PCDHGA6: variants seen among roughly 807,000 people sequenced by gnomAD.
The protein encoded by PCDHGA6 is protocadherin gamma-A6.
PCDHGA6 carries 41 observed loss-of-function variants against 60.6 expected under a neutral mutation model. That is an observed-to-expected ratio of 0.68 (90% CI 0.53 to 0.88). The LOEUF (loss-of-function observed/expected upper bound fraction) is 0.88. Among genes scored for constraint, PCDHGA6 ranks in the 40% least tolerant of loss-of-function variants. PCDHGA6 has a pLI of 0.00. For missense variants in PCDHGA6, 1,312 were observed against 1,203.0 expected, an observed-to-expected ratio of 1.09 and a Z score of -1.34; for synonymous variants, 594 against 524.4, an observed-to-expected ratio of 1.13 and a Z score of -1.81.
In PCDHGA6 at chr5:141,452,847, T is replaced by G. The variant is rs575815407; in HGVS notation, c.2425-41960T>G. Among the ~76,000 whole-genome samples, 42 of 152,304 alleles carry G rather than the reference T, an allele frequency of 2.8e-4. 1 individual carries two copies. Among genetic ancestry groups the G allele is most frequent in the Admixed American group, 2.5e-3 (38 of 15,302 alleles). ...AAATCACTTGGTCCAGCCCACACTC[T>G]GGGGAGATGATTTTCTAACTCCATT... On this transcript the variant is annotated intron_variant, in intron 1 of 3. Coordinates refer to ENST00000517434, the MANE Select transcript of PCDHGA6 (RefSeq NM_018919.3).
chr5:141,448,099 T>C (rs1002430560), intron 1 of PCDHGA6, among the ~76,000 whole-genome samples: 1 of 151,272 alleles, frequency 6.6e-6, no homozygotes, highest in African/African-American at 2.4e-5. Context: ...AAAAAAAAAA[T>C]TAAAAGAAAA....
intron 1 of PCDHGA6, among the ~76,000 whole-genome samples, chr5:141,455,439 C>T (rs966470257): frequency 1.3e-5 from 2 of 152,126 alleles, no homozygotes; most frequent in East Asian, 1.9e-4. Context: ...AGGAGGTCCC[C>T]ATCTACCGCG....
intron 1 of PCDHGA6, chr5:141,388,503 TC>T (rs1405490200): frequency 6.2e-7 from 1 of 1,613,782 alleles, no homozygotes; most frequent in Admixed American, 1.7e-5. Context: ...AAAGCAGAAA[TC>T]CTACCACTTG....
At chr5:141,494,305 C>T (rs544773836) in intron 1 of PCDHGA6, among the ~76,000 whole-genome samples, 1 of 152,346 alleles carries the variant, frequency 6.6e-6, no homozygotes, top group East Asian at 1.9e-4. Context: ...GAATGTGTCA[C>T]TGCACAACCT....
chr5:141,442,561 G>C (rs2098332268), intron 1 of PCDHGA6: 1 of 152,198 alleles, frequency 6.6e-6, no homozygotes, highest in African/African-American at 2.4e-5. Context: ...ACTAAGTTCA[G>C]TCACAAGCAG....
intron 1 of PCDHGA6, chr5:141,393,501 G>A (rs754946327): frequency 1.2e-6 from 2 of 1,614,044 alleles, no homozygotes; most frequent in Non-Finnish European, 1.7e-6. Flanking sequence ...GCGCATCCAC[G>A]TGACAGTGTT....
At chr5:141,506,172 TG>T (rs2099850913) in intron 3 of PCDHGA6, among the ~76,000 whole-genome samples, 1 of 152,128 alleles carries the variant, frequency 6.6e-6, no homozygotes, top group South Asian at 2.1e-4. Flanking sequence ...CAGCCTAAGC[TG>T]GGCGTGGTGG....
chr5:141,376,357 A>G lies in PCDHGA6; in HGVS notation c.2274A>G (p.Ser758=). The change falls in exon 1 of 4, where the codon TCA becomes TCG. Residue 758 remains serine (S), a synonymous_variant. Coordinates refer to ENST00000517434, the MANE Select transcript of PCDHGA6 (RefSeq NM_018919.3). ...TGCAGACCTATTCCCACGAGGTCTC[A>G]CTCACTGCAGACTCGCGTAAGAGTC... ...AFLQTYSHEV[S]LTADSRKSHL... is the part of the protein sequence containing the mutation. 6.2e-7 allele frequency: 1 copy of G among 1,614,012 alleles called. No homozygotes were observed. Among genetic ancestry groups the G allele is most frequent in the Non-Finnish European group, 8.5e-7 (1 of 1,180,006 alleles).
chr5:141,433,256 C>T, intron 1 of PCDHGA6: 2 of 1,385,666 alleles, frequency 1.4e-6, no homozygotes, highest in Non-Finnish European at 2.0e-6. Context: ...TGCAGCGGTA[C>T]GATCATAGCT....
intron 1 of PCDHGA6, chr5:141,420,292 T>C (rs761934978): frequency 2.7e-6 from 4 of 1,485,132 alleles, no homozygotes; most frequent in Middle Eastern, 1.8e-4. Context: ...TTTAAAAATG[T>C]ATTTAATCCT....
chr5:141,439,226 G>A (rs1337835258), intron 1 of PCDHGA6, among the ~76,000 whole-genome samples: 1 of 151,442 alleles, frequency 6.6e-6, no homozygotes, highest in African/African-American at 2.4e-5. Flanking sequence ...AAAATTCTTA[G>A]AAGCTTCCTA....
At chr5:141,414,352 T>C in intron 1 of PCDHGA6, 8 of 1,613,968 alleles carry the variant, frequency 5.0e-6, no homozygotes, top group Non-Finnish European at 6.8e-6. Flanking sequence ...CATTTTGGCG[T>C]ATCTACCATT....
chr5:141,389,360 T>C (rs1245411453), intron 1 of PCDHGA6: 4 of 1,613,742 alleles, frequency 2.5e-6, no homozygotes, highest in South Asian at 1.1e-5. Flanking sequence ...TCATGGCCAG[T>C]GACCTGGAGC....
At chr5:141,415,306 T>G (rs2095852502) in intron 1 of PCDHGA6, 2 of 1,614,222 alleles carry the variant, frequency 1.2e-6, no homozygotes, top group Non-Finnish European at 8.5e-7. Context: ...CTTCCTGGCC[T>G]TCGTCATCGT....
chr5:141,399,084 T>C (rs752476131), intron 1 of PCDHGA6: 2 of 1,613,796 alleles, frequency 1.2e-6, no homozygotes, highest in South Asian at 1.1e-5. Context: ...AAGGGAGGGA[T>C]GGTGGTGGAC....
At position 141,476,015 on chromosome 5, in the gene PCDHGA6, C is replaced by A; in HGVS notation, c.2425-18792C>A. The A allele has an allele frequency of 7.4e-7, 1 of 1,344,728 alleles. No individual in the cohort carries two copies. The highest frequency in any genetic ancestry group is 1.0e-6 in the Non-Finnish European group (1 of 992,700). The allele number at this position is 1,344,728 out of a possible 1,614,324, so 83.3% of individuals were successfully genotyped here. A position where few individuals can be genotyped will look rare whatever the true frequency, so the allele number is the denominator to read the frequency against. ...ATCAACGGCATCCAGAAAGCCATGT[C>A]GGACTCGGCGCCCAGCGCCCAAGCG... On this transcript the variant is annotated intron_variant, in intron 1 of 3. Coordinates refer to ENST00000517434, the MANE Select transcript of PCDHGA6 (RefSeq NM_018919.3). This position sits in a 1 kb window ranked among gnomAD's most constrained non-coding sequence, Gnocchi z 7.6.
Position 141,485,818 on chromosome 5 carries a change from C to A in PCDHGA6, c.2425-8989C>A, listed in dbSNP as rs757848513. The A allele has an allele frequency of 1.2e-6, 2 of 1,613,910 alleles. No individual in the cohort carries two copies. The highest frequency in any genetic ancestry group is 1.7e-6 in the Non-Finnish European group (2 of 1,179,974). On this transcript the variant is annotated intron_variant, in intron 1 of 3. Transcript: ENST00000517434. The surrounding 1 kb of genome is among the most constrained non-coding windows in gnomAD (Gnocchi z 5.7). ...ACTACCGCCTGGTGCTGACTGCTGT[C>A]GATGGAGGGAACCCGCCGAGATCTG...
At chr5:141,385,197 T>A (rs371691840) in intron 1 of PCDHGA6, 1 of 1,613,774 alleles carries the variant, frequency 6.2e-7, no homozygotes, top group African/African-American at 1.3e-5. Flanking sequence ...CTCGGAAGAG[T>A]CACCTGATCT....
intron 1 of PCDHGA6, chr5:141,426,568 C>T: frequency 5.6e-6 from 2 of 354,402 alleles, no homozygotes; most frequent in Non-Finnish European, 5.6e-6. Flanking sequence ...TCGAGAGTCA[C>T]TGTCTTCAAA....
Sources: allele counts gnomAD v4.1 joint callset (sites outside exome capture counted in the v4.1 genomes callset), GRCh38; gene constraint gnomAD v4.1.1; non-coding constraint Gnocchi (gnomAD v3.1); transcripts MANE v1.5; gene names NCBI Gene and HGNC (gene_info 2026-07-23, HGNC 2026-07-21).